The following SYT6 variants were observed in gnomAD, a reference collection of about 807,000 sequenced individuals.
The protein encoded by SYT6 is synaptotagmin 6, also known as synaptotagmin-6.
A neutral mutation model predicts 38.4 loss-of-function variants in SYT6; 24 were observed. The ratio of observed to expected loss-of-function variants is 0.62; its 90% CI spans 0.45 to 0.88. SYT6 has a LOEUF of 0.88. Among genes scored for constraint, SYT6 ranks in the 40% least tolerant of loss-of-function variants. The pLI, the probability that SYT6 is intolerant of heterozygous loss-of-function variation, is 0.00. For missense variants in SYT6, 611 were observed against 621.0 expected (o/e 0.98, Z 0.17); for synonymous variants, 265 against 241.9 (o/e 1.10, Z -0.89).
Position 114,089,890 on chromosome 1 carries a change from G to A in SYT6, c.*2244C>T, listed in dbSNP as rs1285251813. ...GAAACCACTGGGATGTTCACTCATG[G>A]GAGATAGCTGCTTGGATATAAGAGG... On this transcript the variant is annotated 3_prime_UTR_variant, in exon 8 of 8. Transcript: ENST00000610222. 1 of 152,342 alleles carries A rather than the reference G, an allele frequency of 6.6e-6. No individual in the cohort carries two copies. Among genetic ancestry groups the A allele is most frequent in the Non-Finnish European group, 1.5e-5 (1 of 68,032 alleles). 9.4% of individuals were successfully genotyped at this position (152,342 alleles called of 1,614,324 possible). A position where few individuals can be genotyped will look rare whatever the true frequency, so the allele number is the denominator to read the frequency against.
In SYT6 at chr1:114,153,685, G is replaced by T; in HGVS notation, c.88C>A (p.Leu30Ile). ...CGACAAGTCTCCACGTCCAGCCCGAGAGGGGGCGGCCGGGCCCGGCACAGC... is the reference window on the plus strand; with the variant it reads ...CGACAAGTCTCCACGTCCAGCCCGATAGGGGGCGGCCGGGCCCGGCACAGC... ...ASLCRARPPP[L>I]GLDVETCRSF... Residue 30 changes from leucine to isoleucine, a missense_variant, in exon 1 of 8, where the codon CTC becomes ATC. Coordinates refer to ENST00000610222, the MANE Select transcript of SYT6 (RefSeq NM_001253772.2). 1.5e-6 allele frequency: 1 copy of T among 674,618 alleles called. No individual in the cohort carries two copies. 41.8% of individuals were successfully genotyped at this position (674,618 alleles called of 1,614,324 possible). A position where few individuals can be genotyped will look rare whatever the true frequency, so the allele number is the denominator to read the frequency against.
intron 4 of SYT6, among the ~76,000 whole-genome samples, chr1:114,101,483 GTAGCA>G (rs887388859): frequency 2.6e-5 from 4 of 152,172 alleles, no homozygotes; most frequent in African/African-American, 9.7e-5. Flanking sequence ...CCACCCCTTT[GTAGCA>G]TACTGGTCCT....
chr1:114,137,885 G>A lies in SYT6; in HGVS notation c.681C>T (p.Thr227=). The stretch of plus-strand genomic sequence containing the variant: ...TGAAGTTGATCTTCCCGCAGCTCTT[G>A]GTGGCCTCAGACTTGGCATCCTCCC... ...VDGEDAKSEA[T]KSCGKINFSL... Residue 227 remains threonine, a synonymous_variant, in exon 3 of 8, where the codon ACC becomes ACT. Transcript: ENST00000610222. The A allele has an allele frequency of 6.2e-7, 1 of 1,614,066 alleles. No homozygotes were observed. Among genetic ancestry groups the A allele is most frequent in the Non-Finnish European group, 8.5e-7 (1 of 1,180,020 alleles).
intron 3 of SYT6, among the ~76,000 whole-genome samples, chr1:114,113,873 C>T (rs1676835322): frequency 6.6e-6 from 1 of 152,196 alleles, no homozygotes; most frequent in African/African-American, 2.4e-5. Context: ...ATGGCATCCC[C>T]TTTCACTAGG....
chr1:114,153,738 C>T lies in SYT6; in HGVS notation c.35G>A (p.Cys12Tyr). The T allele has an allele frequency of 1.5e-6, 1 of 681,856 alleles. No homozygotes were observed. The highest frequency in any genetic ancestry group is 1.5e-5 in the South Asian group (1 of 65,916). 42.2% of individuals were successfully genotyped at this position (681,856 alleles called of 1,614,324 possible). Residue 12 changes from cysteine to tyrosine, a missense_variant, in exon 1 of 8, where the codon TGC becomes TAC. Coordinates refer to ENST00000610222, the MANE Select transcript of SYT6 (RefSeq NM_001253772.2). ...GGCGAGGACCGCGAGCGCCTCCTGGCACCGAGGCCCGCCGGCCCCCCACAC... is the reference window on the plus strand; with the variant it reads ...GGCGAGGACCGCGAGCGCCTCCTGGTACCGAGGCCCGCCGGCCCCCCACAC... The part of the protein sequence containing the change: ...SGVWGAGGPR[C>Y]QEALAVLASL...
At chr1:114,146,028 C>G (rs1188744094) in intron 1 of SYT6, among the ~76,000 whole-genome samples, 1 of 152,092 alleles carries the variant, frequency 6.6e-6, no homozygotes, top group African/African-American at 2.4e-5. Flanking sequence ...GGAATCAGCA[C>G]CCAGCACTCA....
intron 4 of SYT6, among the ~76,000 whole-genome samples, chr1:114,102,904 G>A (rs1037329514): frequency 1.3e-5 from 2 of 152,196 alleles, no homozygotes; most frequent in African/African-American, 4.8e-5. Context: ...TCCACAACTT[G>A]CAGAATTGTG....
intron 1 of SYT6, among the ~76,000 whole-genome samples, chr1:114,149,515 C>T (rs911688403): frequency 5.9e-5 from 9 of 151,982 alleles, no homozygotes; most frequent in African/African-American, 1.9e-4. Context: ...TAATTACGGC[C>T]GCACCAAGCT....
chr1:114,103,466 G>A, intron 4 of SYT6, 135 bp downstream of exon 4: 1 of 1,247,976 alleles, frequency 8.0e-7, no homozygotes, highest in Non-Finnish European at 1.1e-6. Flanking sequence ...ACTGGAATTC[G>A]AATCCAGGCA....
intron 3 of SYT6, among the ~76,000 whole-genome samples, chr1:114,105,984 A>T (rs2100995626): frequency 6.6e-6 from 1 of 152,292 alleles, no homozygotes; most frequent in South Asian, 2.1e-4. Flanking sequence ...AGCGGGGCGT[A>T]ACCAGTTAAA....
chr1:114,125,757 C>T (rs904106208), intron 3 of SYT6, among the ~76,000 whole-genome samples: 6 of 152,094 alleles, frequency 3.9e-5, no homozygotes, highest in Non-Finnish European at 7.3e-5. Context: ...ATTTATGTAC[C>T]ATGGGGAGAT....
At chr1:114,092,338 C>CTCTCTGTGTG (rs991723002) in intron 7 of SYT6, among the ~76,000 whole-genome samples, 4 of 128,486 alleles carry the variant, frequency 3.1e-5, no homozygotes, top group African/African-American at 1.1e-4. Context: ...CTCTCTCTCT[C>CTCTCTGTGTG]TGTGTGTGTG....
intron 3 of SYT6, among the ~76,000 whole-genome samples, chr1:114,130,366 C>T (rs1678076529): frequency 1.3e-5 from 2 of 152,240 alleles, no homozygotes; most frequent in African/African-American, 4.8e-5. Context: ...GATGCTCAAA[C>T]AGGTCATTGC....
intron 1 of SYT6, among the ~76,000 whole-genome samples, chr1:114,145,947 C>T (rs754100292): frequency 3.9e-5 from 6 of 152,098 alleles, no homozygotes; most frequent in Non-Finnish European, 8.8e-5. Flanking sequence ...ATTTAGATTG[C>T]CTCTCCATGT....
In SYT6 at chr1:114,136,800, G is replaced by C. The variant is rs150069009; in HGVS notation, c.1071+695C>G. Among the ~76,000 whole-genome samples the C allele has an allele frequency of 5.4e-3, 825 of 152,310 alleles. 9 individuals are homozygous for C. The highest frequency in any genetic ancestry group is 0.019 in the African/African-American group (789 of 41,562). On this transcript the variant is annotated intron_variant, in intron 3 of 7. Transcript: ENST00000610222. ...TCTGCTGTGTGTCGTCATTCGTGCTGTTCATTACATATGTCCAGCTCTCCT... is the reference window on the plus strand; with the variant it reads ...TCTGCTGTGTGTCGTCATTCGTGCTCTTCATTACATATGTCCAGCTCTCCT...
chr1:114,147,045 C>T (rs1333264359), intron 1 of SYT6, among the ~76,000 whole-genome samples: 2 of 152,168 alleles, frequency 1.3e-5, no homozygotes, highest in Admixed American at 1.3e-4. Flanking sequence ...GGGCAGAACA[C>T]CTGAAAACCA....
rs773574305 is a variant in SYT6, at chr1:114,093,736, C to T, written c.*50G>A. ...TTTGGGTCCACACCAGGTACTTACT[C>T]CTAACTCCAGGTGGCAGTCTCTCTG... is the stretch of plus-strand genomic sequence containing the variant. On this transcript the variant is annotated splice_region_variant and 3_prime_UTR_variant, in exon 7 of 8. Transcript: ENST00000610222. The T allele has an allele frequency of 1.9e-6, 3 of 1,613,764 alleles. No homozygotes were observed. The highest frequency in any genetic ancestry group is 3.3e-5 in the Admixed American group (2 of 59,978).
chr1:114,133,873 C>T (rs1040944265), intron 3 of SYT6, among the ~76,000 whole-genome samples: 16 of 152,026 alleles, frequency 1.1e-4, no homozygotes, highest in Non-Finnish European at 7.4e-5. Context: ...CTAGACTCCT[C>T]GGATGTGTAC....
At position 114,103,650 on chromosome 1, in the gene SYT6, T is replaced by C. The variant is rs773970754; in HGVS notation, c.1143A>G (p.Thr381=). ...YLPTAGRLTL[T]VIKCRNLKAM... is the part of the protein sequence containing the mutation. ...CCTTGAGGTTCCGACACTTAATCACTGTGAGGGTGAGCCTGCCTGCAGTGG... is the reference window on the plus strand; with the variant it reads ...CCTTGAGGTTCCGACACTTAATCACCGTGAGGGTGAGCCTGCCTGCAGTGG... The change falls in exon 4 of 8, where the codon ACA becomes ACG. Residue 381 remains threonine, a synonymous_variant. Coordinates refer to ENST00000610222, the MANE Select transcript of SYT6 (RefSeq NM_001253772.2). 5 of 1,614,200 alleles carry C rather than the reference T, an allele frequency of 3.1e-6. No individual in the cohort carries two copies. The highest frequency in any genetic ancestry group is 1.3e-5 in the African/African-American group (1 of 75,042).
Sources: gnomAD v4.1 joint callset for allele counts (sites outside exome capture counted in the v4.1 genomes callset) on GRCh38, gnomAD v4.1.1 for gene constraint, MANE v1.5 for transcripts, NCBI Gene and HGNC (gene_info 2026-07-23, HGNC 2026-07-21) for gene names.